PHACTR3: variants seen among roughly 807,000 people sequenced by gnomAD.
PHACTR3 encodes the protein protein phosphatase 1, regulatory subunit 123.
Under a neutral mutation model 66.8 loss-of-function variants are expected in PHACTR3, and 16 were observed. The ratio of observed to expected loss-of-function variants is 0.24; its 90% CI spans 0.16 to 0.36. The LOEUF (loss-of-function observed/expected upper bound fraction) is 0.36, where lower values mean the gene tolerates loss of function less well. PHACTR3 is among the 10% of genes least tolerant of loss of function. The probability of loss-of-function intolerance (pLI) is 1.00; values close to 1 mark genes in which losing one functional copy is unlikely to be tolerated. For missense variants in PHACTR3, 647 were observed against 719.9 expected (o/e 0.90, Z 1.16); for synonymous variants, 323 against 292.1 (o/e 1.11, Z -1.08).
chr20:59,741,370 C>T (rs966141688), intron 1 of PHACTR3, among the ~76,000 whole-genome samples: 2 of 152,198 alleles, frequency 1.3e-5, no homozygotes, highest in Non-Finnish European at 2.9e-5. Context: ...TGCTGGGGAG[C>T]ACCCCACGGG....
intron 7 of PHACTR3, among the ~76,000 whole-genome samples, chr20:59,805,765 G>A (rs1407443402): frequency 6.6e-6 from 1 of 152,228 alleles, no homozygotes; most frequent in Non-Finnish European, 1.5e-5. Flanking sequence ...GTAATCATCT[G>A]GGACAGCAGG....
chr20:59,580,698 C>T (rs75691028), intron 1 of PHACTR3, among the ~76,000 whole-genome samples: 2,941 of 152,200 alleles, frequency 0.019, 68 homozygotes, highest in African/African-American at 0.064. Flanking sequence ...AATTTAATGC[C>T]TTGTTTCCTG....
intron 5 of PHACTR3, among the ~76,000 whole-genome samples, chr20:59,772,382 G>C (rs2040389478): frequency 6.6e-6 from 1 of 152,126 alleles, no homozygotes; most frequent in African/African-American, 2.4e-5. Flanking sequence ...AAGGAAGGTG[G>C]ACACAGGCCT....
At chr20:59,685,568 C>T (rs2036833571) in intron 1 of PHACTR3, among the ~76,000 whole-genome samples, 1 of 152,206 alleles carries the variant, frequency 6.6e-6, no homozygotes, top group Admixed American at 6.5e-5. Context: ...GTTCACTGCG[C>T]CGTTGCCATT....
chr20:59,641,341 TAAA>T (rs2035097140), intron 1 of PHACTR3, among the ~76,000 whole-genome samples: 1 of 152,096 alleles, frequency 6.6e-6, no homozygotes, highest in Non-Finnish European at 1.5e-5. Flanking sequence ...TTGTGGAGTC[TAAA>T]AAGTCCCAGC....
At chr20:59,714,623 C>T (rs1422005406) in intron 1 of PHACTR3, among the ~76,000 whole-genome samples, 1 of 152,218 alleles carries the variant, frequency 6.6e-6, no homozygotes, top group Admixed American at 6.5e-5. Flanking sequence ...GGAAATCCTA[C>T]CACTTTGTTT....
At chr20:59,725,189 G>C (rs114580883) in intron 1 of PHACTR3, among the ~76,000 whole-genome samples, 4,919 of 152,188 alleles carry the variant, frequency 0.032, 113 homozygotes, top group Middle Eastern at 0.11. Flanking sequence ...GTGAACCCAG[G>C]TGTGCTGTGT....
chr20:59,620,218 T>A (rs1178306049), intron 1 of PHACTR3, among the ~76,000 whole-genome samples: 1 of 152,232 alleles, frequency 6.6e-6, no homozygotes, highest in Admixed American at 6.5e-5. Flanking sequence ...CATCTAAAAA[T>A]GTCACAAAAT....
chr20:59,609,691 T>C (rs1417752117), intron 1 of PHACTR3, among the ~76,000 whole-genome samples: 1 of 152,200 alleles, frequency 6.6e-6, no homozygotes, highest in Non-Finnish European at 1.5e-5. Context: ...AGAGCCTCTT[T>C]TGTCTGTACC....
chr20:59,648,736 A>T (rs994870566), intron 1 of PHACTR3, among the ~76,000 whole-genome samples: 9 of 152,192 alleles, frequency 5.9e-5, no homozygotes, highest in Non-Finnish European at 1.0e-4. Context: ...GCACTAATTA[A>T]AGAGGACACA....
intron 8 of PHACTR3, among the ~76,000 whole-genome samples, chr20:59,815,367 C>T (rs1023430620): frequency 6.6e-6 from 1 of 150,456 alleles, no homozygotes; most frequent in African/African-American, 2.5e-5. Flanking sequence ...CATCTTCAGC[C>T]AAAAGAAATG....
At chr20:59,826,342 T>C (rs2042190487) in intron 8 of PHACTR3, among the ~76,000 whole-genome samples, 3 of 152,272 alleles carry the variant, frequency 2.0e-5, no homozygotes, top group South Asian at 4.1e-4. Context: ...GTGTCCCTGG[T>C]CTGGGCCAAT....
intron 1 of PHACTR3, among the ~76,000 whole-genome samples, chr20:59,669,591 C>T (rs1568691782): frequency 1.3e-5 from 2 of 152,198 alleles, no homozygotes; most frequent in African/African-American, 4.8e-5. Context: ...TTTTCTTCTC[C>T]TCTAAAGAGA....
At chr20:59,583,105 T>G (rs2032909721) in intron 1 of PHACTR3, among the ~76,000 whole-genome samples, 1 of 152,194 alleles carries the variant, frequency 6.6e-6, no homozygotes, top group South Asian at 2.1e-4. Flanking sequence ...AACACATCCC[T>G]CTGCGTCTCC....
Position 59,767,307 on chromosome 20 carries a change from G to A in PHACTR3, c.663G>A (p.Leu221=), listed in dbSNP as rs773363689. Residue 221 remains leucine (L), a synonymous_variant, in exon 5 of 13, where the codon CTG becomes CTA. Coordinates refer to ENST00000371015, the MANE Select transcript of PHACTR3 (RefSeq NM_080672.5). ...CCCTGGACAGTCCTCCCAGACCTCT[G>A]GAGAGATCCGTGGGCCAGCTCCCCA... ...ADSLDSPPRP[L]ERSVGQLPSP... 4.3e-6 allele frequency: 7 copies of A among 1,614,088 alleles called. No homozygotes were observed. The highest frequency in any genetic ancestry group is 2.2e-5 in the South Asian group (2 of 91,084).
chr20:59,751,114 C>G (rs142574521), intron 3 of PHACTR3, among the ~76,000 whole-genome samples: 2 of 152,200 alleles, frequency 1.3e-5, no homozygotes, highest in Non-Finnish European at 2.9e-5. Context: ...GGGGTAGGCA[C>G]GCAGTGCCGC....
Position 59,794,070 on chromosome 20 carries a change from G to A in PHACTR3, c.1175-11971G>A, listed in dbSNP as rs566567179. Among the ~76,000 whole-genome samples, 5 of 135,338 alleles carry A rather than the reference G, an allele frequency of 3.7e-5. No individual in the cohort carries two copies. The South Asian group carries it at 9.3e-4, about 25-fold the overall frequency. The allele number at this position is 135,338 out of a possible 152,430, so 88.8% of individuals were successfully genotyped here. A position where few individuals can be genotyped will look rare whatever the true frequency, so the allele number is the denominator to read the frequency against. ...ACCTGGGAGGCCGAGGTTGCAGTGA[G>A]CCAAGATTGTGCCACTGCACTCCAG... On this transcript the variant is annotated intron_variant, in intron 7 of 12. Transcript: ENST00000371015.
chr20:59,702,769 A>G (rs987123315), intron 1 of PHACTR3, among the ~76,000 whole-genome samples: 1 of 152,240 alleles, frequency 6.6e-6, no homozygotes, highest in South Asian at 2.1e-4. Flanking sequence ...CTTTCCATCT[A>G]CACATATTGT....
At chr20:59,717,382 A>G (rs1275597859) in intron 1 of PHACTR3, among the ~76,000 whole-genome samples, 1 of 152,232 alleles carries the variant, frequency 6.6e-6, no homozygotes. Flanking sequence ...AAACTAGAAT[A>G]TACACACCTA....
Sources: allele counts gnomAD v4.1 joint callset (sites outside exome capture counted in the v4.1 genomes callset), GRCh38; gene constraint gnomAD v4.1.1; transcripts MANE v1.5; gene names NCBI Gene and HGNC (gene_info 2026-07-23, HGNC 2026-07-21).